Variants in NTM observed in about 807,000 individuals in gnomAD.
NTM encodes the protein IgLON family member 2.
Under a neutral mutation model 42.1 loss-of-function variants are expected in NTM, and 13 were observed. The observed-to-expected ratio is 0.31, with a 90% CI of 0.20 to 0.49. NTM has a LOEUF of 0.49. Among genes scored for constraint, NTM ranks in the 20% least tolerant of loss-of-function variants. The pLI is 0.99. For missense variants in NTM, 373 were observed against 452.8 expected (o/e 0.82, Z 1.60); for synonymous variants, 187 against 179.2 (o/e 1.04, Z -0.35).
At chr11:131,402,014 T>G (rs1391724235) in intron 1 of NTM, among the ~76,000 whole-genome samples, 1 of 150,904 alleles carries the variant, frequency 6.6e-6, no homozygotes, top group South Asian at 2.1e-4. Flanking sequence ...TCTTGTGGAA[T>G]AGCATGCCCT....
intron 1 of NTM, among the ~76,000 whole-genome samples, chr11:131,836,483 T>A (rs2043509800): frequency 6.6e-6 from 1 of 152,204 alleles, no homozygotes; most frequent in Admixed American, 6.5e-5. Flanking sequence ...TTTTGACATG[T>A]GAATGAAGGG....
intron 1 of NTM, among the ~76,000 whole-genome samples, chr11:131,485,007 C>T (rs1281853159): frequency 6.6e-6 from 1 of 152,172 alleles, no homozygotes; most frequent in Non-Finnish European, 1.5e-5. Context: ...GGACTGCTGA[C>T]TCCTGCCTCA....
At chr11:131,896,483 T>C (rs1185684517) in intron 1 of NTM, among the ~76,000 whole-genome samples, 3 of 152,336 alleles carry the variant, frequency 2.0e-5, no homozygotes, top group African/African-American at 2.4e-5. Flanking sequence ...AATTAATTGA[T>C]GACTCAATAT....
rs547669683 is a variant in NTM at position 132,132,965 on chromosome 11, A to G, written c.168-13317A>G. ...GCATTGTCAAGCTTTCAAAATGTTC[A>G]TTGCAAAATCTTACAATCCACTCAC... On this transcript the variant is annotated intron_variant, in intron 2 of 8. Coordinates refer to ENST00000683400, the MANE Select transcript of NTM (RefSeq NM_001352005.2). 2.0e-5 allele frequency among the ~76,000 whole-genome samples: 3 copies of G among 152,310 alleles called. No homozygotes were observed. In the East Asian group the frequency reaches 5.8e-4, roughly 29 times the overall value.
At chr11:131,773,782 A>G (rs1336471390) in intron 1 of NTM, among the ~76,000 whole-genome samples, 2 of 152,226 alleles carry the variant, frequency 1.3e-5, no homozygotes, top group African/African-American at 2.4e-5. Flanking sequence ...TTTATCCAGG[A>G]GTGGTTAGTA....
intron 1 of NTM, among the ~76,000 whole-genome samples, chr11:131,528,677 T>A (rs1013857962): frequency 6.6e-6 from 1 of 152,228 alleles, no homozygotes; most frequent in Non-Finnish European, 1.5e-5. Flanking sequence ...TCATTCTTTT[T>A]ATCTACCGCC....
chr11:131,724,144 A>G (rs1305794129), intron 1 of NTM, among the ~76,000 whole-genome samples: 1 of 152,168 alleles, frequency 6.6e-6, no homozygotes, highest in Non-Finnish European at 1.5e-5. Flanking sequence ...GGGAGTGCTC[A>G]GGTACCTGGG....
intron 3 of NTM, among the ~76,000 whole-genome samples, chr11:132,210,370 A>G (rs2082645928): frequency 6.6e-6 from 1 of 152,228 alleles, no homozygotes; most frequent in African/African-American, 2.4e-5. Flanking sequence ...GACACGTTGC[A>G]CACAGGTTGG....
At chr11:132,290,499 T>C (rs1358425923) in intron 4 of NTM, among the ~76,000 whole-genome samples, 2 of 152,222 alleles carry the variant, frequency 1.3e-5, no homozygotes, top group Admixed American at 6.5e-5. Flanking sequence ...ATTGTTTTAA[T>C]AGACCCTGTG....
chr11:131,683,610 T>G (rs1237909247), intron 1 of NTM, among the ~76,000 whole-genome samples: 1 of 152,220 alleles, frequency 6.6e-6, no homozygotes, highest in Non-Finnish European at 1.5e-5. Context: ...TGTCAATGTA[T>G]TCACACTAAA....
chr11:132,041,737 T>C (rs1342837132), intron 2 of NTM, among the ~76,000 whole-genome samples: 4 of 152,164 alleles, frequency 2.6e-5, no homozygotes, highest in African/African-American at 9.7e-5. Flanking sequence ...CAGTCCTGAA[T>C]GATAGTGGAA....
chr11:131,890,508 C>T lies in NTM; in HGVS notation c.83-21056C>T, dbSNP rs529463082. The stretch of plus-strand genomic sequence containing the variant: ...TAGAGGAGACGAGGAAACTCATGAG[C>T]GCTCTCCTTTTTTGTAAGGCAAAGT... On this transcript the variant is annotated intron_variant, in intron 1 of 8. Transcript: ENST00000683400. Among the ~76,000 whole-genome samples the T allele has an allele frequency of 9.2e-5, 14 of 152,164 alleles. No homozygotes were observed. In the South Asian group the frequency reaches 1.2e-3, roughly 14 times the overall value.
chr11:132,306,111 G>C (rs565101498), intron 4 of NTM, among the ~76,000 whole-genome samples: 1 of 152,204 alleles, frequency 6.6e-6, no homozygotes, highest in Admixed American at 6.5e-5. Context: ...TGGCCAAAGA[G>C]TGCTGATCGA....
At chr11:132,201,032 A>T (rs1238203029) in intron 3 of NTM, among the ~76,000 whole-genome samples, 1 of 152,180 alleles carries the variant, frequency 6.6e-6, no homozygotes, top group African/African-American at 2.4e-5. Context: ...TCTGAACAGA[A>T]GCAAGGGCAT....
At chr11:131,526,353 A>C (rs2050480387) in intron 1 of NTM, among the ~76,000 whole-genome samples, 1 of 152,250 alleles carries the variant, frequency 6.6e-6, no homozygotes, top group South Asian at 2.1e-4. Context: ...TGGTACTCAC[A>C]GTAGGACAGG....
chr11:131,451,362 A>C (rs986427718), intron 1 of NTM, among the ~76,000 whole-genome samples: 7 of 152,256 alleles, frequency 4.6e-5, no homozygotes, highest in Non-Finnish European at 1.0e-4. Flanking sequence ...ACAGATAATT[A>C]GAAAAGAAGA....
intron 1 of NTM, among the ~76,000 whole-genome samples, chr11:131,479,316 G>T (rs1352795583): frequency 6.6e-6 from 1 of 152,200 alleles, no homozygotes; most frequent in Non-Finnish European, 1.5e-5. Flanking sequence ...GAAGAGAGAA[G>T]AATATTCCAG....
rs527267325 is a variant in NTM at position 131,946,288 on chromosome 11, TTTTTA to T, written c.167+34641_167+34645del. 3.4e-4 allele frequency among the ~76,000 whole-genome samples: 52 copies of T among 152,268 alleles called. No individual in the cohort carries two copies. The East Asian group carries it at 4.1e-3, about 12-fold the overall frequency. Reference sequence around the variant, plus strand: ...ACTTGGGCTGGACAGACATATGTGCTTTTTAAACAAGAATCTTTCTGAAACCTGGA... The same window carrying T: ...ACTTGGGCTGGACAGACATATGTGCTAACAAGAATCTTTCTGAAACCTGGA... On this transcript the variant is annotated intron_variant, in intron 2 of 8. Transcript: ENST00000683400.
intron 1 of NTM, among the ~76,000 whole-genome samples, chr11:131,767,924 C>G (rs968845205): frequency 2.0e-5 from 3 of 151,992 alleles, no homozygotes; most frequent in Non-Finnish European, 1.5e-5. Context: ...TAGGATAGGA[C>G]CAATGGGATG....
Sources: gnomAD v4.1 joint callset for allele counts (sites outside exome capture counted in the v4.1 genomes callset) on GRCh38, gnomAD v4.1.1 for gene constraint, MANE v1.5 for transcripts, NCBI Gene and HGNC (gene_info 2026-07-23, HGNC 2026-07-21) for gene names.